The following UNC5C variants were observed in gnomAD, a reference collection of about 807,000 sequenced individuals.
The protein encoded by UNC5C is netrin receptor UNC5C.
In UNC5C, 47 loss-of-function variants were observed where a neutral mutation model predicts 99.8. The observed-to-expected ratio is 0.47, with a 90% CI of 0.37 to 0.60. The LOEUF (loss-of-function observed/expected upper bound fraction) is 0.60, where lower values mean the gene tolerates loss of function less well. Among genes scored for constraint, UNC5C ranks in the 20% least tolerant of loss-of-function variants. The pLI, the probability that UNC5C is intolerant of heterozygous loss-of-function variation, is 0.00. For missense variants in UNC5C, 1,062 were observed against 1,165.9 expected, an observed-to-expected ratio of 0.91 and a Z score of 1.30; for synonymous variants, 487 against 452.2, an observed-to-expected ratio of 1.08 and a Z score of -0.98.
intron 1 of UNC5C, among the ~76,000 whole-genome samples, chr4:95,406,117 G>A (rs1320060657): frequency 2.6e-5 from 4 of 152,110 alleles, no homozygotes; most frequent in Admixed American, 1.3e-4. Flanking sequence ...TTAATGTCAC[G>A]AGGACTGAAA....
intron 10 of UNC5C, among the ~76,000 whole-genome samples, chr4:95,208,670 T>A (rs9307156): frequency 6.6e-6 from 1 of 152,168 alleles, no homozygotes; most frequent in Non-Finnish European, 1.5e-5. Context: ...TTGGAACCTC[T>A]TTCCAGTCTG....
chr4:95,365,974 A>T (rs1380270125), intron 1 of UNC5C, among the ~76,000 whole-genome samples: 1 of 151,786 alleles, frequency 6.6e-6, no homozygotes, highest in Non-Finnish European at 1.5e-5. Context: ...TATAAGCTGT[A>T]ATATGCTATG....
intron 4 of UNC5C, among the ~76,000 whole-genome samples, chr4:95,258,746 C>CCTTTTTTTTTTTTT (rs1740102999): frequency 2.6e-5 from 2 of 76,054 alleles, no homozygotes; most frequent in East Asian, 1.1e-3. Context: ...CCATCTTATT[C>CCTTTTTTTTTTTTT]TTTTTTTTTT....
chr4:95,307,769 A>C (rs1416565068), intron 2 of UNC5C, among the ~76,000 whole-genome samples: 3 of 152,186 alleles, frequency 2.0e-5, no homozygotes, highest in Admixed American at 6.5e-5. Flanking sequence ...AGGATCATGC[A>C]CCCTTATCAA....
At chr4:95,201,013 C>A (rs890999988) in intron 12 of UNC5C, among the ~76,000 whole-genome samples, 3 of 152,156 alleles carry the variant, frequency 2.0e-5, no homozygotes, top group Non-Finnish European at 4.4e-5. Context: ...GCTCTCTCCC[C>A]AGCTCTCCAC....
intron 1 of UNC5C, among the ~76,000 whole-genome samples, chr4:95,502,739 T>G (rs1721809411): frequency 6.6e-6 from 1 of 152,188 alleles, no homozygotes; most frequent in Non-Finnish European, 1.5e-5. Context: ...ACAGTTTTAT[T>G]GTATGAAAAT....
intron 1 of UNC5C, among the ~76,000 whole-genome samples, chr4:95,527,612 C>T (rs1227172596): frequency 4.6e-5 from 7 of 151,728 alleles, no homozygotes; most frequent in Non-Finnish European, 8.8e-5. Context: ...TTTATAATTG[C>T]TTTTGTAATT....
intron 1 of UNC5C, among the ~76,000 whole-genome samples, chr4:95,535,338 T>C (rs959924297): frequency 9.8e-5 from 15 of 152,322 alleles, no homozygotes; most frequent in African/African-American, 3.6e-4. Flanking sequence ...TTCTTTCACC[T>C]GATGGTAACC....
chr4:95,357,790 C>CAAAACA (rs1441655148), intron 1 of UNC5C, among the ~76,000 whole-genome samples: 1 of 151,254 alleles, frequency 6.6e-6, no homozygotes, highest in Admixed American at 6.6e-5. Flanking sequence ...GGCCCTGTCT[C>CAAAACA]AAAACAAAAA....
intron 1 of UNC5C, among the ~76,000 whole-genome samples, chr4:95,449,365 CT>C (rs1747216658): frequency 6.6e-6 from 1 of 152,132 alleles, no homozygotes; most frequent in South Asian, 2.1e-4. Flanking sequence ...ATCACGGACA[CT>C]TATGGATTGA....
intron 1 of UNC5C, among the ~76,000 whole-genome samples, chr4:95,451,995 G>A (rs989751079): frequency 6.6e-6 from 1 of 152,004 alleles, no homozygotes; most frequent in Non-Finnish European, 1.5e-5. Context: ...GTAACAAAAA[G>A]CAACCAAACA....
intron 1 of UNC5C, among the ~76,000 whole-genome samples, chr4:95,546,965 C>T (rs1038051746): frequency 6.6e-6 from 1 of 152,026 alleles, no homozygotes; most frequent in Non-Finnish European, 1.5e-5. Flanking sequence ...TGGCTCAGTC[C>T]TTTGTATGCC....
At chr4:95,420,492 A>G (rs1016566517) in intron 1 of UNC5C, among the ~76,000 whole-genome samples, 2 of 152,162 alleles carry the variant, frequency 1.3e-5, no homozygotes, top group African/African-American at 2.4e-5. Context: ...TCCCAATAAA[A>G]CCTTATGCAA....
rs1274034109 is a variant in UNC5C, at chr4:95,162,906, G to C, written c.*6328C>G. 1 of 152,240 alleles carries C rather than the reference G, an allele frequency of 6.6e-6. No homozygotes were observed. The highest frequency in any genetic ancestry group is 2.4e-5 in the African/African-American group (1 of 41,468). The allele number at this position is 152,240 out of a possible 1,614,324, so 9.4% of individuals were successfully genotyped here. On this transcript the variant is annotated 3_prime_UTR_variant, in exon 16 of 16. Transcript: ENST00000453304. Reference sequence around the variant, plus strand: ...TCTGCAGTTGAACTGTTCCAAAGGGGACAGTAGGTGGATGACACTGCCTCT... The same window carrying C: ...TCTGCAGTTGAACTGTTCCAAAGGGCACAGTAGGTGGATGACACTGCCTCT...
At chr4:95,213,783 C>T (rs1350015025) in intron 10 of UNC5C, among the ~76,000 whole-genome samples, 1 of 152,180 alleles carries the variant, frequency 6.6e-6, no homozygotes, top group African/African-American at 2.4e-5. Flanking sequence ...GAGTCTTCTT[C>T]CAAAGAAGTT....
At chr4:95,344,757 GT>G (rs1217435392) in intron 1 of UNC5C, among the ~76,000 whole-genome samples, 1 of 152,074 alleles carries the variant, frequency 6.6e-6, no homozygotes, top group Non-Finnish European at 1.5e-5. Context: ...ATACAAGTCA[GT>G]GTTAAGTTGT....
chr4:95,488,185 AT>A (rs1447228806), intron 1 of UNC5C, among the ~76,000 whole-genome samples: 1 of 151,780 alleles, frequency 6.6e-6, no homozygotes, highest in Non-Finnish European at 1.5e-5. Context: ...AATAGCAGGA[AT>A]ACTGATATTA....
At chr4:95,371,105 G>A (rs1409233568) in intron 1 of UNC5C, among the ~76,000 whole-genome samples, 2 of 152,092 alleles carry the variant, frequency 1.3e-5, no homozygotes, top group Non-Finnish European at 2.9e-5. Flanking sequence ...TATTGATAAA[G>A]TTACTTTAAA....
Position 95,278,333 on chromosome 4 carries a change from G to A in UNC5C, c.520C>T (p.Leu174=), listed in dbSNP as rs1451602652. The A allele has an allele frequency of 1.2e-6, 2 of 1,613,996 alleles. No homozygotes were observed. The highest frequency in any genetic ancestry group is 1.1e-5 in the South Asian group (1 of 91,068). The change falls in exon 4 of 16, where the codon CTA becomes TTA. Residue 174 remains leucine (L), a synonymous_variant. Coordinates refer to ENST00000453304, the MANE Select transcript of UNC5C (RefSeq NM_003728.4). Reference sequence around the variant, plus strand: ...TGTTCCAAAGACACTTCCTTTCCTAGGGGTTCCTGCTCAAATGTCTTCCGT... The same window carrying A: ...TGTTCCAAAGACACTTCCTTTCCTAAGGGTTCCTGCTCAAATGTCTTCCGT... ...YLRKTFEQEP[L]GKEVSLEQEV...
Sources: allele counts gnomAD v4.1 joint callset (sites outside exome capture counted in the v4.1 genomes callset), GRCh38; gene constraint gnomAD v4.1.1; transcripts MANE v1.5; gene names NCBI Gene and HGNC (gene_info 2026-07-23, HGNC 2026-07-21).